The following SGMS2 variants were observed in gnomAD, a reference collection of about 807,000 sequenced individuals.
SGMS2 encodes phosphatidylcholine:ceramide cholinephosphotransferase 2.
SGMS2 carries 21 observed loss-of-function variants against 43.8 expected under a neutral mutation model. The ratio of observed to expected loss-of-function variants is 0.48; its 90% CI spans 0.34 to 0.69. The LOEUF (loss-of-function observed/expected upper bound fraction) is 0.69, where lower values mean the gene tolerates loss of function less well. Among genes scored for constraint, SGMS2 ranks in the 30% least tolerant of loss-of-function variants. The probability of loss-of-function intolerance (pLI) is 0.01; values close to 1 mark genes in which losing one functional copy is unlikely to be tolerated. For synonymous variants in SGMS2, 167 were observed against 160.6 expected, an observed-to-expected ratio of 1.04 and a Z score of -0.30; for missense variants, 384 against 443.2, an observed-to-expected ratio of 0.87 and a Z score of 1.20.
At chr4:107,867,733 T>A (rs868371644) in intron 2 of SGMS2, 1 of 152,108 alleles carries the variant, frequency 6.6e-6, no homozygotes, top group Admixed American at 6.5e-5. Flanking sequence ...CTGTGGCATT[T>A]GGGCAATAGT....
intron 1 of SGMS2, among the ~76,000 whole-genome samples, chr4:107,841,963 T>C (rs1305873722): frequency 2.0e-5 from 3 of 152,048 alleles, no homozygotes; most frequent in African/African-American, 7.2e-5. Flanking sequence ...TTAAAAAAAT[T>C]TTTTTTTAAT....
rs34388036 is a variant in SGMS2, at chr4:107,902,289, C to CAAAAAAAAAAAAAAAAAAAAAAAAA, written c.574-932_574-931insAAAAAAAAAAAAAAAAAAAAAAAAA. ...TGGGTGAAAGAGCAAGACCCTGTCT[C>CAAAAAAAAAAAAAAAAAAAAAAAAA]AAAAAAAAAAAAGGTCTTTCTGTAT... On this transcript the variant is annotated intron_variant, in intron 4 of 6. Transcript: ENST00000690982. 2.8e-4 allele frequency among the ~76,000 whole-genome samples: 35 copies of CAAAAAAAAAAAAAAAAAAAAAAAAA among 124,536 alleles called. 3 individuals carry two copies. The highest frequency in any genetic ancestry group is 1.2e-3 in the African/African-American group (33 of 28,596). The allele number at this position is 124,536 out of a possible 152,430, so 81.7% of individuals were successfully genotyped here.
At position 107,862,631 on chromosome 4, in the gene SGMS2, A is replaced by G. The variant is rs1727809773; in HGVS notation, c.-245+4078A>G. Among the ~76,000 whole-genome samples the G allele has an allele frequency of 2.0e-5, 3 of 152,314 alleles. No individual in the cohort carries two copies. In the South Asian group the frequency reaches 6.2e-4, roughly 32 times the overall value. On this transcript the variant is annotated intron_variant, in intron 2 of 6. Coordinates refer to ENST00000690982, the MANE Select transcript of SGMS2 (RefSeq NM_001375905.1). ...CTGTGTACAGCATAGTGCCTTTTGA[A>G]TGCTCCTGACTTAAAGAGAATGACT...
chr4:107,847,599 T>C (rs1029006671), intron 1 of SGMS2, among the ~76,000 whole-genome samples: 2 of 152,192 alleles, frequency 1.3e-5, no homozygotes, highest in East Asian at 3.8e-4. Context: ...CGATGCGGGC[T>C]GTTTTTTGGT....
intron 2 of SGMS2, chr4:107,894,451 G>A (rs1730494243): frequency 6.6e-6 from 1 of 152,276 alleles, no homozygotes; most frequent in South Asian, 2.1e-4. Flanking sequence ...GAAGCCAAAG[G>A]TAGTTATCCT....
At chr4:107,862,015 G>A (rs1297398526) in intron 2 of SGMS2, among the ~76,000 whole-genome samples, 1 of 152,158 alleles carries the variant, frequency 6.6e-6, no homozygotes, top group African/African-American at 2.4e-5. Flanking sequence ...TCTATAGCAG[G>A]CATGTCCTCT....
At chr4:107,905,360 T>A (rs1322622503) in intron 5 of SGMS2, among the ~76,000 whole-genome samples, 1 of 152,180 alleles carries the variant, frequency 6.6e-6, no homozygotes, top group Non-Finnish European at 1.5e-5. Flanking sequence ...ATGATTCAGT[T>A]ATTTCCCACC....
chr4:107,901,581 A>G (rs776203494), intron 4 of SGMS2, among the ~76,000 whole-genome samples: 2 of 152,190 alleles, frequency 1.3e-5, no homozygotes, highest in African/African-American at 2.4e-5. Context: ...ACACAGTGAA[A>G]GCTTTGCTTT....
chr4:107,832,368 A>G (rs1411915802), intron 1 of SGMS2, among the ~76,000 whole-genome samples: 1 of 152,250 alleles, frequency 6.6e-6, no homozygotes, highest in East Asian at 1.9e-4. Flanking sequence ...TTTATTTAAC[A>G]AATACTTATA....
chr4:107,882,035 A>C lies in SGMS2; in HGVS notation c.-244-13275A>C, dbSNP rs148920795. 3.3e-5 allele frequency among the ~76,000 whole-genome samples: 5 copies of C among 152,296 alleles called. No homozygotes were observed. In the South Asian group the frequency reaches 8.3e-4, roughly 25 times the overall value. ...TCAGTGGACACTTATGTTGCTTCCA[A>C]ATCTTGCCTATTGTGAATAATGTTG... On this transcript the variant is annotated intron_variant, in intron 2 of 6. Transcript: ENST00000690982.
At chr4:107,894,854 GA>G (rs1553932931) in intron 2 of SGMS2, among the ~76,000 whole-genome samples, 1 of 18,374 alleles carries the variant, frequency 5.4e-5, no homozygotes, top group African/African-American at 8.2e-5. Context: ...TTTGACAAAT[GA>G]AGAGTAACAA....
At chr4:107,866,572 A>T (rs375435495) in intron 2 of SGMS2, among the ~76,000 whole-genome samples, 5 of 152,094 alleles carry the variant, frequency 3.3e-5, no homozygotes, top group East Asian at 1.9e-4. Flanking sequence ...GTCTCAAAAA[A>T]AAACCAAAAA....
chr4:107,892,402 G>A (rs1161226565), intron 2 of SGMS2, among the ~76,000 whole-genome samples: 3 of 148,906 alleles, frequency 2.0e-5, no homozygotes, highest in African/African-American at 4.9e-5. Context: ...GCACTGATAG[G>A]AGATTTGTTA....
At chr4:107,842,539 A>G (rs1470010479) in intron 1 of SGMS2, among the ~76,000 whole-genome samples, 1 of 152,222 alleles carries the variant, frequency 6.6e-6, no homozygotes, top group Non-Finnish European at 1.5e-5. Context: ...GAGGGGATGA[A>G]CATCTAAATT....
intron 2 of SGMS2, among the ~76,000 whole-genome samples, chr4:107,891,663 A>G (rs552248808): frequency 1.7e-4 from 26 of 152,216 alleles, no homozygotes; most frequent in South Asian, 1.0e-3. Context: ...TCCTCAGTGA[A>G]ATGCAGGTTT....
intron 2 of SGMS2, among the ~76,000 whole-genome samples, chr4:107,876,320 C>G (rs1034351366): frequency 5.9e-5 from 9 of 152,072 alleles, no homozygotes; most frequent in African/African-American, 2.2e-4. Flanking sequence ...ATGTGCCATC[C>G]GCTATAACCA....
At chr4:107,831,828 A>G (rs1334582451) in intron 1 of SGMS2, among the ~76,000 whole-genome samples, 2 of 152,230 alleles carry the variant, frequency 1.3e-5, no homozygotes, top group South Asian at 2.1e-4. Context: ...TAAGAAGTGT[A>G]TAACATCAGC....
chr4:107,893,900 T>C (rs1578633879), intron 2 of SGMS2, among the ~76,000 whole-genome samples: 1 of 152,152 alleles, frequency 6.6e-6, no homozygotes, highest in East Asian at 1.9e-4. Context: ...CAGTAGTCTT[T>C]CATCATTTTA....
intron 1 of SGMS2, among the ~76,000 whole-genome samples, chr4:107,855,899 G>C (rs1727398275): frequency 6.6e-6 from 1 of 152,070 alleles, no homozygotes; most frequent in Non-Finnish European, 1.5e-5. Flanking sequence ...ACTATTTATA[G>C]ATGAGGGAAC....
Sources: gnomAD v4.1 joint callset for allele counts (sites outside exome capture counted in the v4.1 genomes callset) on GRCh38, gnomAD v4.1.1 for gene constraint, MANE v1.5 for transcripts, NCBI Gene and HGNC (gene_info 2026-07-23, HGNC 2026-07-21) for gene names.